Variants in CTNNAL1 observed in about 807,000 individuals in gnomAD.
The protein encoded by CTNNAL1 is alpha-catulin.
In CTNNAL1, 69 loss-of-function variants were observed where a neutral mutation model predicts 93.6. The observed-to-expected ratio is 0.74, with a 90% CI of 0.61 to 0.90. The LOEUF (loss-of-function observed/expected upper bound fraction) is 0.90. Among genes scored for constraint, CTNNAL1 ranks in the 40% least tolerant of loss-of-function variants. The pLI, the probability that CTNNAL1 is intolerant of heterozygous loss-of-function variation, is 0.00. For synonymous variants in CTNNAL1, 286 were observed against 305.4 expected (o/e 0.94, Z 0.66); for missense variants, 836 against 862.0 (o/e 0.97, Z 0.38).
At chr9:109,010,024 AT>A (rs796510075) in intron 1 of CTNNAL1, among the ~76,000 whole-genome samples, 8 of 150,832 alleles carry the variant, frequency 5.3e-5, no homozygotes, top group East Asian at 3.9e-4. Flanking sequence ...TACTTTTTCT[AT>A]TTTTTTTTAT....
chr9:108,972,741 T>C lies in CTNNAL1; in HGVS notation c.1281A>G (p.Glu427=). The C allele has an allele frequency of 6.2e-7, 1 of 1,613,848 alleles. No individual in the cohort carries two copies. Among genetic ancestry groups the C allele is most frequent in the Non-Finnish European group, 8.5e-7 (1 of 1,179,990 alleles). The change falls in exon 9 of 19, where the codon GAA becomes GAG. Residue 427 remains glutamate, a synonymous_variant. Coordinates refer to ENST00000325551, the MANE Select transcript of CTNNAL1 (RefSeq NM_003798.4). The part of the protein sequence containing the change: ...VLKALKLTGV[E]GNLEALAEYA... Reference sequence around the variant, plus strand: ...ATTCAGCCAAAGCTTCTAAATTTCCTTCTACTCCAGTAAGTTTTAATGCTT... The same window carrying C: ...ATTCAGCCAAAGCTTCTAAATTTCCCTCTACTCCAGTAAGTTTTAATGCTT...
chr9:108,965,934 T>C lies in CTNNAL1; in HGVS notation c.1441-406A>G, dbSNP rs1450037956. On this transcript the variant is annotated intron_variant, in intron 10 of 18. Transcript: ENST00000325551. ...GTAGCAGTGGTAATAGTAGGAATGG[T>C]AGTGATAATAATAAGTAACATATAT... Among the ~76,000 whole-genome samples the C allele has an allele frequency of 2.0e-5, 3 of 152,284 alleles. No individual in the cohort carries two copies. In the East Asian group the frequency reaches 5.8e-4, roughly 29 times the overall value.
chr9:108,968,422 G>A (rs978357395), intron 10 of CTNNAL1, among the ~76,000 whole-genome samples: 1 of 152,174 alleles, frequency 6.6e-6, no homozygotes, highest in East Asian at 1.9e-4. Context: ...TATCTCTGCT[G>A]CAATAAAACA....
intron 11 of CTNNAL1, among the ~76,000 whole-genome samples, chr9:108,956,575 T>C (rs1016043022): frequency 6.6e-6 from 1 of 152,228 alleles, no homozygotes; most frequent in Non-Finnish European, 1.5e-5. Flanking sequence ...AACAAGTATA[T>C]TCAGCTATAA....
At chr9:108,944,151 T>C in intron 15 of CTNNAL1, 133 bp from the exon 16 acceptor site, 1 of 855,878 alleles carries the variant, frequency 1.2e-6, no homozygotes. Context: ...CAGGAACTCC[T>C]AAACTTTTTC....
intron 14 of CTNNAL1, 53 bp downstream of exon 14, chr9:108,952,156 T>C: frequency 6.8e-7 from 1 of 1,467,894 alleles, no homozygotes; most frequent in Non-Finnish European, 9.2e-7. Flanking sequence ...CTTTTTTCTT[T>C]ACACCAGATA....
chr9:108,947,199 C>T (rs1010745086), intron 15 of CTNNAL1, among the ~76,000 whole-genome samples: 3 of 151,416 alleles, frequency 2.0e-5, no homozygotes, highest in African/African-American at 4.9e-5. Context: ...CTGCAAGCTC[C>T]GCCTCCCGGG....
At chr9:109,001,699 A>G (rs1032124947) in intron 1 of CTNNAL1, among the ~76,000 whole-genome samples, 1 of 152,218 alleles carries the variant, frequency 6.6e-6, no homozygotes, top group Non-Finnish European at 1.5e-5. Context: ...TCATGTCAAC[A>G]GCTGAGTGAG....
chr9:108,951,339 A>C (rs2132092178), intron 14 of CTNNAL1, among the ~76,000 whole-genome samples: 1 of 152,138 alleles, frequency 6.6e-6, no homozygotes, highest in East Asian at 1.9e-4. Context: ...TTGAGTCCCA[A>C]ATCCCACACA....
intron 14 of CTNNAL1, among the ~76,000 whole-genome samples, chr9:108,951,717 G>A (rs1289381399): frequency 6.6e-6 from 1 of 152,178 alleles, no homozygotes; most frequent in African/African-American, 2.4e-5. Flanking sequence ...GATCAAGACA[G>A]AGAATATAGG....
intron 1 of CTNNAL1, among the ~76,000 whole-genome samples, chr9:109,003,448 A>C (rs546998192): frequency 6.6e-6 from 1 of 152,240 alleles, no homozygotes; most frequent in Non-Finnish European, 1.5e-5. Context: ...GAACAGGCTG[A>C]GAAATCTACG....
intron 11 of CTNNAL1, among the ~76,000 whole-genome samples, chr9:108,958,182 G>T (rs1830734453): frequency 6.6e-6 from 1 of 151,918 alleles, no homozygotes; most frequent in African/African-American, 2.4e-5. Flanking sequence ...TCAGCTACAG[G>T]AGTAATCTTG....
At chr9:108,949,259 C>T (rs1003188282) in intron 14 of CTNNAL1, among the ~76,000 whole-genome samples, 6 of 152,148 alleles carry the variant, frequency 3.9e-5, no homozygotes, top group Non-Finnish European at 1.5e-5. Context: ...AGGAAGAAGT[C>T]CTATTCCACA....
chr9:108,947,629 TG>T (rs1214204417), intron 15 of CTNNAL1, among the ~76,000 whole-genome samples: 1 of 152,172 alleles, frequency 6.6e-6, no homozygotes, highest in Non-Finnish European at 1.5e-5. Flanking sequence ...GAATTACAGA[TG>T]GGCCTATGTG....
chr9:108,972,864 G>GGGGGGGGGGGGGGGGGGCCCCCCCC, intron 8 of CTNNAL1, 31 bp from the exon 9 acceptor site: 1 of 142,564 alleles, frequency 7.0e-6, no homozygotes, highest in East Asian at 2.2e-4. Flanking sequence ...GGGGGGGTGG[G>GGGGGGGGGGGGGGGGGGCCCCCCCC]AGGGTGGAGA....
chr9:108,970,473 T>C lies in CTNNAL1; in HGVS notation c.1369A>G (p.Ile457Val), dbSNP rs746298545. Reference sequence around the variant, plus strand: ...ATTTCCAGAGGTTCTGTCCCAGATATGTGTCGTAACAATCGACAGGTCTAC... The same window carrying C: ...ATTTCCAGAGGTTCTGTCCCAGATACGTGTCGTAACAATCGACAGGTCTAC... ...LVETCRLLRHISGTEPLEITC... is the reference protein window; with the variant it reads ...LVETCRLLRHVSGTEPLEITC... The change falls in exon 10 of 19, where the codon ATA (isoleucine) becomes GTA (valine). Residue 457 changes from isoleucine (I) to valine (V), a missense_variant. Physicochemically the swap from Ile to Val is conservative, Grantham distance 29. Coordinates refer to ENST00000325551, the MANE Select transcript of CTNNAL1 (RefSeq NM_003798.4). 1.2e-6 allele frequency: 2 copies of C among 1,611,844 alleles called. No homozygotes were observed. The highest frequency in any genetic ancestry group is 3.4e-5 in the Admixed American group (2 of 59,582).
intron 14 of CTNNAL1, among the ~76,000 whole-genome samples, chr9:108,951,222 AAC>A (rs1564121970): frequency 6.7e-6 from 1 of 149,882 alleles, no homozygotes; most frequent in Non-Finnish European, 1.5e-5. Flanking sequence ...TCAGTGTGTT[AAC>A]CAGGATGGTC....
chr9:108,973,828 C>T (rs1831187102), intron 8 of CTNNAL1, among the ~76,000 whole-genome samples: 1 of 152,006 alleles, frequency 6.6e-6, no homozygotes, highest in South Asian at 2.1e-4. Context: ...GTAATCCAAT[C>T]TCAATTCAAA....
chr9:108,957,116 ATTTT>A (rs760444621), intron 11 of CTNNAL1, among the ~76,000 whole-genome samples: 2 of 132,494 alleles, frequency 1.5e-5, no homozygotes, highest in Non-Finnish European at 3.2e-5. Flanking sequence ...GCCTGTTAGA[ATTTT>A]TTTTTTTTTT....
Sources: gnomAD v4.1 joint callset for allele counts (sites outside exome capture counted in the v4.1 genomes callset) on GRCh38, gnomAD v4.1.1 for gene constraint, MANE v1.5 for transcripts, NCBI Gene and HGNC (gene_info 2026-07-23, HGNC 2026-07-21) for gene names.